Variants in BACE2 observed in about 807,000 individuals in gnomAD.
BACE2 encodes the protein 56 kDa aspartic-like protease.
In BACE2, 17 loss-of-function variants were observed where a neutral mutation model predicts 46.2. That is an observed-to-expected ratio of 0.37 (90% CI 0.25 to 0.55). BACE2 has a LOEUF of 0.55. Ranked by LOEUF, BACE2 falls within the 20% of genes least tolerant of loss-of-function variation. BACE2 has a pLI of 0.82. For synonymous variants in BACE2, 277 were observed against 295.9 expected, an observed-to-expected ratio of 0.94 and a Z score of 0.66; for missense variants, 595 against 698.1, an observed-to-expected ratio of 0.85 and a Z score of 1.66.
intron 5 of BACE2, among the ~76,000 whole-genome samples, chr21:41,244,628 TC>T (rs1987408076): frequency 6.6e-6 from 1 of 151,466 alleles, no homozygotes; most frequent in Non-Finnish European, 1.5e-5. Context: ...CTTTTGTGAT[TC>T]TTCACTTGCT....
At chr21:41,186,647 G>C (rs1174704490) in intron 1 of BACE2, 1 of 152,406 alleles carries the variant, frequency 6.6e-6, no homozygotes, top group Non-Finnish European at 1.5e-5. Context: ...GCCTGGGAGA[G>C]TTCTTGGATT....
intron 1 of BACE2, among the ~76,000 whole-genome samples, chr21:41,192,066 A>G (rs1008394363): frequency 2.0e-5 from 3 of 152,238 alleles, no homozygotes; most frequent in Admixed American, 2.0e-4. Flanking sequence ...GTGCACAACC[A>G]GGTGCACTGC....
chr21:41,229,208 A>G (rs1187935817), intron 2 of BACE2, among the ~76,000 whole-genome samples: 1 of 152,206 alleles, frequency 6.6e-6, no homozygotes, highest in Non-Finnish European at 1.5e-5. Context: ...AGTCTGTACG[A>G]CACGTTTTCC....
chr21:41,228,044 T>A (rs1259125317), intron 2 of BACE2, among the ~76,000 whole-genome samples: 1 of 152,178 alleles, frequency 6.6e-6, no homozygotes, highest in Non-Finnish European at 1.5e-5. Context: ...AGTTCAAGCT[T>A]TGAGGCCAGC....
At chr21:41,227,285 T>G (rs560785567) in intron 2 of BACE2, among the ~76,000 whole-genome samples, 1 of 152,370 alleles carries the variant, frequency 6.6e-6, no homozygotes, top group South Asian at 2.1e-4. Context: ...TTTAGGGTCA[T>G]GAACCTTCTA....
chr21:41,257,053 A>G, intron 7 of BACE2, 105 bp from the exon 8 acceptor site: 2 of 1,291,708 alleles, frequency 1.5e-6, no homozygotes, highest in Non-Finnish European at 2.2e-6. Context: ...GACTCCCCCC[A>G]GCGCCTGGGA....
At chr21:41,212,272 G>A (rs917873003) in intron 1 of BACE2, among the ~76,000 whole-genome samples, 16 of 152,266 alleles carry the variant, frequency 1.1e-4, no homozygotes, top group Non-Finnish European at 2.2e-4. Flanking sequence ...AGGGATGAGC[G>A]AGCGCTCTCA....
intron 1 of BACE2, among the ~76,000 whole-genome samples, chr21:41,218,070 A>G (rs956246149): frequency 6.6e-6 from 1 of 152,256 alleles, no homozygotes; most frequent in Non-Finnish European, 1.5e-5. Flanking sequence ...GCCATAAGAA[A>G]TTAATGTAAA....
intron 7 of BACE2, among the ~76,000 whole-genome samples, chr21:41,253,314 C>T (rs1045749857): frequency 6.6e-6 from 1 of 151,724 alleles, no homozygotes; most frequent in Non-Finnish European, 1.5e-5. Flanking sequence ...TGGTGGCGGG[C>T]ACCTGTAATC....
rs530277560 is a variant in BACE2 at position 41,280,053 on chromosome 21, T to C, written c.*4429T>C. ...AAGGAACTTCTCAGGATTGATTATT[T>C]GCCAGAGGAACAATTAGGCCAAGAG... On this transcript the variant is annotated 3_prime_UTR_variant, in exon 9 of 9. Coordinates refer to ENST00000330333, the MANE Select transcript of BACE2 (RefSeq NM_012105.5). 2 of 152,378 alleles carry C rather than the reference T, an allele frequency of 1.3e-5. No homozygotes were observed. Among genetic ancestry groups the C allele is most frequent in the East Asian group, 1.9e-4 (1 of 5,182 alleles). 9.4% of individuals were successfully genotyped at this position (152,378 alleles called of 1,614,324 possible). A position where few individuals can be genotyped will look rare whatever the true frequency, so the allele number is the denominator to read the frequency against.
chr21:41,186,548 C>G (rs997203107), intron 1 of BACE2: 2 of 152,686 alleles, frequency 1.3e-5, no homozygotes, highest in South Asian at 2.1e-4. Flanking sequence ...TGTCTTGCCT[C>G]TCTGCCAATT....
intron 8 of BACE2, among the ~76,000 whole-genome samples, chr21:41,264,334 G>A (rs1021339383): frequency 6.6e-6 from 1 of 151,822 alleles, no homozygotes; most frequent in Non-Finnish European, 1.5e-5. Flanking sequence ...TGTAATCCCA[G>A]AACTTTAGGA....
intron 5 of BACE2, among the ~76,000 whole-genome samples, chr21:41,245,057 T>A (rs1196296455): frequency 1.3e-5 from 2 of 152,094 alleles, no homozygotes; most frequent in Non-Finnish European, 2.9e-5. Flanking sequence ...ATTTTACATA[T>A]TTACTTTTCT....
At chr21:41,232,285 T>C (rs1316219672) in intron 2 of BACE2, among the ~76,000 whole-genome samples, 1 of 152,162 alleles carries the variant, frequency 6.6e-6, no homozygotes, top group Non-Finnish European at 1.5e-5. Flanking sequence ...GCACAAGAGC[T>C]TGAAGCGTCA....
intron 1 of BACE2, chr21:41,175,115 T>C (rs376885024): frequency 6.6e-6 from 1 of 152,284 alleles, no homozygotes; most frequent in East Asian, 1.9e-4. Context: ...TTTTTGCTCT[T>C]AGAATTCTCA....
At chr21:41,173,287 A>G (rs547477478) in intron 1 of BACE2, among the ~76,000 whole-genome samples, 19 of 152,302 alleles carry the variant, frequency 1.2e-4, no homozygotes, top group Middle Eastern at 3.4e-3. Flanking sequence ...AATTGTTATC[A>G]CAGGCAATAC....
Position 41,275,623 on chromosome 21 carries a change from G to A in BACE2, c.1556G>A (p.Ter519=). 1 of 1,613,738 alleles carries A rather than the reference G, an allele frequency of 6.2e-7. No homozygotes were observed. The highest frequency in any genetic ancestry group is 8.5e-7 in the Non-Finnish European group (1 of 1,179,946). The change falls in exon 9 of 9, where the codon TGA becomes TAA. Residue 519 remains the stop codon, a stop_retained_variant. Coordinates refer to ENST00000330333, the MANE Select transcript of BACE2 (RefSeq NM_012105.5). The part of the protein sequence containing the change: ...ESSLVRHRWK[*] Reference sequence around the variant, plus strand: ...TCTCTGGTCAGACATCGCTGGAAATGAATAGCCAGGCCTGACCTCAAGCAA... The same window carrying A: ...TCTCTGGTCAGACATCGCTGGAAATAAATAGCCAGGCCTGACCTCAAGCAA...
chr21:41,240,660 A>G (rs545131039), intron 3 of BACE2, among the ~76,000 whole-genome samples: 1 of 152,232 alleles, frequency 6.6e-6, no homozygotes, highest in Admixed American at 6.5e-5. Context: ...CCCCAGGCCC[A>G]CCCTATAATC....
chr21:41,198,609 G>A (rs1318783895), intron 1 of BACE2, among the ~76,000 whole-genome samples: 4 of 152,116 alleles, frequency 2.6e-5, no homozygotes, highest in Admixed American at 2.6e-4. Context: ...TTCCAACAGG[G>A]GTCTCCATGC....
Sources: allele counts gnomAD v4.1 joint callset (sites outside exome capture counted in the v4.1 genomes callset), GRCh38; gene constraint gnomAD v4.1.1; transcripts MANE v1.5; gene names NCBI Gene and HGNC (gene_info 2026-07-23, HGNC 2026-07-21).